The following MAP2K5 variants were observed in gnomAD, a reference collection of about 807,000 sequenced individuals.
MAP2K5 encodes the protein mitogen-activated protein kinase kinase 5.
MAP2K5 carries 49 observed loss-of-function variants against 83.1 expected under a neutral mutation model. That is an observed-to-expected ratio of 0.59 (90% CI 0.47 to 0.75). The LOEUF is 0.75. Ranked by LOEUF, MAP2K5 falls within the 30% of genes least tolerant of loss-of-function variation. The pLI is 0.00. For missense variants in MAP2K5, 457 were observed against 557.5 expected (o/e 0.82, Z 1.82); for synonymous variants, 202 against 191.8 (o/e 1.05, Z -0.44).
intron 8 of MAP2K5, among the ~76,000 whole-genome samples, chr15:67,612,700 A>T (rs2085954743): frequency 6.6e-6 from 1 of 152,192 alleles, no homozygotes; most frequent in Admixed American, 6.5e-5. Flanking sequence ...ATGAAGATAA[A>T]GTGCCTCTCT....
rs11630730 is a variant in MAP2K5, at chr15:67,565,508, A to G, written c.252+2158A>G. ...CTCCCAAAGTGCTGGGATTACAGGC[A>G]TGAGCCACTGTGCCCGGCCTGTCAT... On this transcript the variant is annotated intron_variant, in intron 3 of 21. Coordinates refer to ENST00000178640, the MANE Select transcript of MAP2K5 (RefSeq NM_145160.3). This position sits in a 1 kb window ranked among gnomAD's most constrained non-coding sequence, Gnocchi z 4.1. Among the ~76,000 whole-genome samples, 66,099 of 152,060 alleles carry G rather than the reference A, an allele frequency of 0.43. 15,210 individuals carry two copies. Among genetic ancestry groups the G allele is most frequent in the Non-Finnish European group, 0.51 (35,006 of 67,974 alleles).
Position 67,588,179 on chromosome 15 carries a change from G to C in MAP2K5, c.431+1266G>C, listed in dbSNP as rs953196991. On this transcript the variant is annotated intron_variant, in intron 6 of 21. Transcript: ENST00000178640. ...ACATATGGGTGCTCTGTGTACTCCA[G>C]CTTGCTGGCCCACCTCTGTACCCCA... is the stretch of plus-strand genomic sequence containing the variant. 4.7e-5 allele frequency: 40 copies of C among 843,208 alleles called. No individual in the cohort carries two copies. The Admixed American group carries it at 6.8e-4, about 14-fold the overall frequency. 52.2% of individuals were successfully genotyped at this position (843,208 alleles called of 1,614,324 possible). A position where few individuals can be genotyped will look rare whatever the true frequency, so the allele number is the denominator to read the frequency against.
In MAP2K5 at chr15:67,542,962, T is replaced by G. The variant is rs1473624650; in HGVS notation, c.-374T>G. 1 of 254,056 alleles carries G rather than the reference T, an allele frequency of 3.9e-6. No individual in the cohort carries two copies. The highest frequency in any genetic ancestry group is 7.8e-6 in the Non-Finnish European group (1 of 128,242). 15.7% of individuals were successfully genotyped at this position (254,056 alleles called of 1,614,324 possible). ...AGTCCACTGACGAGCGGTGGACACC[T>G]GCCGCTGTATCTCCCCCAAACCGAG... On this transcript the variant is annotated 5_prime_UTR_variant, in exon 1 of 22. Transcript: ENST00000178640.
Position 67,782,511 on chromosome 15 carries a change from C to T in MAP2K5, c.1242+9759C>T, listed in dbSNP as rs1314327263. On this transcript the variant is annotated intron_variant, in intron 21 of 21. Transcript: ENST00000178640. The surrounding 1 kb of genome is among the most constrained non-coding windows in gnomAD (Gnocchi z 4.9). ...TGATTTTAGTTAATTTTTTTTTCAG[C>T]GCCTCACAGTAGGCGCCTCTCTTCT... Among the ~76,000 whole-genome samples, 1 of 151,970 alleles carries T rather than the reference C, an allele frequency of 6.6e-6. No homozygotes were observed. The highest frequency in any genetic ancestry group is 1.5e-5 in the Non-Finnish European group (1 of 67,998).
At chr15:67,546,457 AG>A (rs1225613298) in intron 1 of MAP2K5, 5 of 278,980 alleles carry the variant, frequency 1.8e-5, no homozygotes, top group Non-Finnish European at 2.2e-5. Flanking sequence ...TCAGCAGTTG[AG>A]GGCTCCAGTC....
chr15:67,571,664 C>T (rs2084949141), intron 3 of MAP2K5, among the ~76,000 whole-genome samples: 1 of 151,802 alleles, frequency 6.6e-6, no homozygotes, highest in African/African-American at 2.4e-5. Flanking sequence ...TTTTGATCTT[C>T]TTAACATCTT....
chr15:67,682,914 T>C (rs1596787384), intron 13 of MAP2K5, among the ~76,000 whole-genome samples: 1 of 151,158 alleles, frequency 6.6e-6, no homozygotes, highest in Non-Finnish European at 1.5e-5. Context: ...CTGAGGCAGG[T>C]GGATCACCTG....
intron 21 of MAP2K5, among the ~76,000 whole-genome samples, chr15:67,784,755 C>A (rs886400196): frequency 6.6e-6 from 1 of 152,228 alleles, no homozygotes; most frequent in African/African-American, 2.4e-5. Flanking sequence ...TGACAGCTGT[C>A]TGGTCACAAA....
At chr15:67,791,926 A>G (rs2090524905) in intron 21 of MAP2K5, among the ~76,000 whole-genome samples, 1 of 152,208 alleles carries the variant, frequency 6.6e-6, no homozygotes, top group South Asian at 2.1e-4. Context: ...GGAGAATGTC[A>G]TGGCTGCAAC....
chr15:67,718,955 T>C (rs1014246430), intron 16 of MAP2K5, among the ~76,000 whole-genome samples: 4 of 152,232 alleles, frequency 2.6e-5, no homozygotes, highest in African/African-American at 4.8e-5. Context: ...CAGTAAATTT[T>C]TGTTGACTGT....
In MAP2K5 at chr15:67,546,115, A is replaced by G. The variant is rs1354417128; in HGVS notation, c.135+2645A>G. The G allele has an allele frequency of 2.6e-5, 4 of 152,264 alleles. No individual in the cohort carries two copies. The East Asian group carries it at 7.7e-4, about 29-fold the overall frequency. 9.4% of individuals were successfully genotyped at this position (152,264 alleles called of 1,614,324 possible). A position where few individuals can be genotyped will look rare whatever the true frequency, so the allele number is the denominator to read the frequency against. ...CAGTGGGTGTTCAGTGCTATCTCCT[A>G]GTGCTCCATTTTAGCAAATGTTCAA... On this transcript the variant is annotated intron_variant, in intron 1 of 21. Coordinates refer to ENST00000178640, the MANE Select transcript of MAP2K5 (RefSeq NM_145160.3).
chr15:67,561,048 A>G lies in MAP2K5; in HGVS notation c.185-2235A>G, dbSNP rs2084726055. 6.6e-6 allele frequency among the ~76,000 whole-genome samples: 1 copy of G among 152,226 alleles called. No individual in the cohort carries two copies. The highest frequency in any genetic ancestry group is 6.5e-5 in the Admixed American group (1 of 15,284). On this transcript the variant is annotated intron_variant, in intron 2 of 21. Coordinates refer to ENST00000178640, the MANE Select transcript of MAP2K5 (RefSeq NM_145160.3). This position sits in a 1 kb window ranked among gnomAD's most constrained non-coding sequence, Gnocchi z 4.2. ...AAATATAAGCAGTCTCTTTTTAACC[A>G]TAATCTCTATAGCTAGCTTAGTTGC...
At chr15:67,603,597 G>A (rs188432101) in intron 8 of MAP2K5, among the ~76,000 whole-genome samples, 5 of 152,202 alleles carry the variant, frequency 3.3e-5, no homozygotes, top group South Asian at 4.1e-4. Flanking sequence ...TTGCATAACC[G>A]CTTGTCATTG....
In MAP2K5 at chr15:67,769,657, C is replaced by T; in HGVS notation, c.1190C>T (p.Thr397Ile). 2 of 1,613,694 alleles carry T rather than the reference C, an allele frequency of 1.2e-6. No homozygotes were observed. Among genetic ancestry groups the T allele is most frequent in the East Asian group, 2.2e-5 (1 of 44,866 alleles). The change falls in exon 20 of 22, where the codon ACT (threonine) becomes ATT (isoleucine). Residue 397 changes from threonine to isoleucine, a missense_variant. Thr to Ile is a moderately conservative substitution (Grantham distance 89). Around this residue, in one of 3 missense-constraint regions of MAP2K5, gnomAD observed 168 missense variants for 263.0 expected, o/e 0.64. Coordinates refer to ENST00000178640, the MANE Select transcript of MAP2K5 (RefSeq NM_145160.3). The surrounding 1 kb of genome is among the most constrained non-coding windows in gnomAD (Gnocchi z 5.2). ...TCGGAGCCATTTGTACATTTCATCA[C>T]TCAGTGGTGAGCCCGTTTACAAACA... ...EFSEPFVHFITQCMRKQPKER... is the reference protein window; with the variant it reads ...EFSEPFVHFIIQCMRKQPKER...
chr15:67,733,173 T>C (rs1048154560), intron 17 of MAP2K5, among the ~76,000 whole-genome samples: 1 of 152,204 alleles, frequency 6.6e-6, no homozygotes, highest in Non-Finnish European at 1.5e-5. Context: ...ATGGAGTTTT[T>C]TATGGTTCAC....
intron 3 of MAP2K5, among the ~76,000 whole-genome samples, chr15:67,578,598 G>T (rs1415866676): frequency 6.6e-6 from 1 of 152,078 alleles, no homozygotes; most frequent in East Asian, 1.9e-4. Flanking sequence ...TAGAGAAACT[G>T]TTAAGTGGCA....
intron 19 of MAP2K5, among the ~76,000 whole-genome samples, chr15:67,754,472 G>A (rs1187415087): frequency 6.6e-6 from 1 of 152,160 alleles, no homozygotes; most frequent in Non-Finnish European, 1.5e-5. Context: ...CTTGGGCTGT[G>A]ATCTCTGCCA....
At chr15:67,597,564 A>G (rs541763782) in intron 7 of MAP2K5, among the ~76,000 whole-genome samples, 26 of 152,368 alleles carry the variant, frequency 1.7e-4, no homozygotes, top group African/African-American at 4.8e-4. Flanking sequence ...TTTAAATACA[A>G]TATTCCATAA....
chr15:67,662,202 G>T (rs2087255420), intron 12 of MAP2K5, among the ~76,000 whole-genome samples: 1 of 152,074 alleles, frequency 6.6e-6, no homozygotes, highest in African/African-American at 2.4e-5. Flanking sequence ...GTTAACTTCT[G>T]CTCAGTATTA....
Sources: gnomAD v4.1 joint callset for allele counts (sites outside exome capture counted in the v4.1 genomes callset) on GRCh38, gnomAD v4.1.1 for gene constraint, gnomAD v4.1.1 regional missense constraint, Gnocchi (gnomAD v3.1) non-coding constraint, MANE v1.5 for transcripts, NCBI Gene and HGNC (gene_info 2026-07-23, HGNC 2026-07-21) for gene names.